Variants in C2orf42 observed in about 807,000 individuals in gnomAD.
C2orf42 encodes the protein uncharacterized protein C2orf42.
In C2orf42, 44 loss-of-function variants were observed where a neutral mutation model predicts 58.9. The ratio of observed to expected loss-of-function variants is 0.75; its 90% CI spans 0.59 to 0.96. The LOEUF is 0.96. Among genes scored for constraint, C2orf42 ranks in the 40% least tolerant of loss-of-function variants. The pLI is 0.00. For synonymous variants in C2orf42, 239 were observed against 265.4 expected, an observed-to-expected ratio of 0.90 and a Z score of 0.97; for missense variants, 630 against 699.2, an observed-to-expected ratio of 0.90 and a Z score of 1.12.
chr2:70,176,057 T>TC (rs1674170804), intron 4 of C2orf42, among the ~76,000 whole-genome samples: 1 of 152,198 alleles, frequency 6.6e-6, no homozygotes, highest in African/African-American at 2.4e-5. Context: ...TGAACTGTCT[T>TC]CCGTTTTCTT....
intron 1 of C2orf42, among the ~76,000 whole-genome samples, chr2:70,183,453 G>C (rs1674710824): frequency 6.6e-6 from 1 of 151,216 alleles, no homozygotes; most frequent in Non-Finnish European, 1.5e-5. Context: ...CTTTGAGATG[G>C]AGTCTCACTC....
intron 4 of C2orf42, among the ~76,000 whole-genome samples, chr2:70,178,087 A>G (rs187611145): frequency 1.3e-5 from 2 of 152,288 alleles, no homozygotes; most frequent in East Asian, 1.9e-4. Context: ...AAACTTTGCT[A>G]ATTTGGTAGC....
chr2:70,169,610 C>T lies in C2orf42; in HGVS notation c.1091G>A (p.Trp364Ter). The T allele has an allele frequency of 6.2e-7, 1 of 1,612,008 alleles. No individual in the cohort carries two copies. Residue 364 changes from tryptophan to a stop codon, truncating the protein, a stop_gained, in exon 6 of 10, where the codon TGG (tryptophan) becomes TAG (stop). Transcript: ENST00000264434. LOFTEE classifies it high-confidence loss of function. ...GATGCGTTCTGTGACACTGGCCAGC[C>T]AGTCTTGGAAGGATAAAGTCACTTG... ...EAQVTLSFQD[W>*]LASVTERIHQ... is the part of the protein sequence containing the mutation.
chr2:70,160,709 C>A lies in C2orf42; in HGVS notation c.1432G>T (p.Val478Leu). 1 of 1,613,228 alleles carries A rather than the reference C, an allele frequency of 6.2e-7. No individual in the cohort carries two copies. The highest frequency in any genetic ancestry group is 8.5e-7 in the Non-Finnish European group (1 of 1,179,392). Reference protein sequence around the residue: ...YELFKCPKVEVESIAETYGRI... With the variant: ...YELFKCPKVELESIAETYGRI... ...CCGTAGGTTTCTGCTATGCTTTCTA[C>A]TTCCACTTTAGGGCATTTAAATAGC... The change falls in exon 9 of 10, where the codon GTA (valine) becomes TTA (leucine). Residue 478 changes from valine to leucine, a missense_variant. Transcript: ENST00000264434.
At chr2:70,171,963 C>G (rs1673848184) in intron 5 of C2orf42, among the ~76,000 whole-genome samples, 1 of 151,708 alleles carries the variant, frequency 6.6e-6, no homozygotes, top group South Asian at 2.1e-4. Context: ...TGGCTCACGC[C>G]TGTAATCCCA....
At position 70,165,303 on chromosome 2, in the gene C2orf42, G is replaced by A; in HGVS notation, c.1253-111C>T. 4.4e-6 allele frequency: 3 copies of A among 676,852 alleles called. No homozygotes were observed. In the East Asian group the frequency reaches 8.1e-5, roughly 18 times the overall value. The allele number at this position is 676,852 out of a possible 1,614,324, so 41.9% of individuals were successfully genotyped here. ...ACTATTATTTCCTTATAGATTCTCA[G>A]CACTTTTAAAAAGAAATTCTAGAGG... On this transcript the variant is annotated intron_variant, in intron 7 of 9. Transcript: ENST00000264434.
intron 2 of C2orf42, chr2:70,182,272 G>A (rs974157206): frequency 6.1e-5 from 16 of 260,616 alleles, no homozygotes; most frequent in Non-Finnish European, 3.7e-5. Flanking sequence ...GCTAATTTTT[G>A]TATTTTTAGT....
chr2:70,167,623 C>G (rs747725929), intron 6 of C2orf42, among the ~76,000 whole-genome samples: 5 of 151,956 alleles, frequency 3.3e-5, no homozygotes, highest in Non-Finnish European at 5.9e-5. Flanking sequence ...TGCCTATAAT[C>G]CCAGCTACTC....
chr2:70,163,253 T>C (rs1434386373), intron 8 of C2orf42, among the ~76,000 whole-genome samples: 1 of 150,374 alleles, frequency 6.7e-6, no homozygotes, highest in Non-Finnish European at 1.5e-5. Context: ...TACATACATA[T>C]ATATTTTTTG....
rs1402638865 is a variant in C2orf42 at position 70,150,679 on chromosome 2, C to T, written c.1517-115G>A. On this transcript the variant is annotated intron_variant, in intron 9 of 9. Transcript: ENST00000264434. ...CTGTTCAGCTTTGATAATCAGAAGG[C>T]CGAATGAGGTTTATAAATTCAGTGG... 4 of 679,886 alleles carry T rather than the reference C, an allele frequency of 5.9e-6. No individual in the cohort carries two copies. In the African/African-American group the frequency reaches 7.1e-5, roughly 12 times the overall value. 42.1% of individuals were successfully genotyped at this position (679,886 alleles called of 1,614,324 possible).
chr2:70,157,361 A>G (rs1265142799), intron 9 of C2orf42, among the ~76,000 whole-genome samples: 3 of 151,186 alleles, frequency 2.0e-5, no homozygotes, highest in Admixed American at 1.3e-4. Flanking sequence ...GGCTGAGGCA[A>G]GAGAATGGCG....
At chr2:70,179,411 T>TAATAAA in intron 4 of C2orf42, 121 bp downstream of exon 4, 1 of 354,484 alleles carries the variant, frequency 2.8e-6, no homozygotes. Context: ...CTCTTTATTT[T>TAATAAA]AATAAAAATA....
chr2:70,165,268 C>A, intron 7 of C2orf42, 76 bp from the exon 8 acceptor site: 1 of 819,910 alleles, frequency 1.2e-6, no homozygotes, highest in South Asian at 1.5e-5. Context: ...TACCTAGTTT[C>A]TAATACAGTA....
At chr2:70,182,264 T>G (rs962380796) in intron 2 of C2orf42, 8 of 264,632 alleles carry the variant, frequency 3.0e-5, no homozygotes, top group African/African-American at 1.8e-4. Context: ...CACGCCCAGC[T>G]AATTTTTGTA....
chr2:70,165,734 A>C, intron 6 of C2orf42, 99 bp from the exon 7 acceptor site: 1 of 692,242 alleles, frequency 1.4e-6, no homozygotes, highest in Non-Finnish European at 2.6e-6. Flanking sequence ...GACGGTAATA[A>C]CTAAAAATAC....
chr2:70,178,275 A>C (rs1226113461), intron 4 of C2orf42, among the ~76,000 whole-genome samples: 4 of 152,184 alleles, frequency 2.6e-5, no homozygotes, highest in Non-Finnish European at 5.9e-5. Flanking sequence ...GATTTATCAG[A>C]GTCCTTAACT....
At chr2:70,183,630 T>C (rs1573036744) in intron 1 of C2orf42, among the ~76,000 whole-genome samples, 1 of 151,178 alleles carries the variant, frequency 6.6e-6, no homozygotes, top group Non-Finnish European at 1.5e-5. Flanking sequence ...GGGGTTTCAC[T>C]GTGTTTCGAT....
intron 8 of C2orf42, among the ~76,000 whole-genome samples, chr2:70,164,660 G>A (rs931342663): frequency 2.6e-5 from 4 of 151,952 alleles, no homozygotes; most frequent in Non-Finnish European, 5.9e-5. Context: ...AATAAAAAGG[G>A]TCATTTCTCT....
chr2:70,155,073 G>A (rs1442448253), intron 9 of C2orf42, among the ~76,000 whole-genome samples: 4 of 151,920 alleles, frequency 2.6e-5, no homozygotes, highest in East Asian at 1.9e-4. Flanking sequence ...GTGAAACCCC[G>A]TCTCTACTAA....
Sources: allele counts gnomAD v4.1 joint callset (sites outside exome capture counted in the v4.1 genomes callset), GRCh38; gene constraint gnomAD v4.1.1; transcripts MANE v1.5; gene names NCBI Gene and HGNC (gene_info 2026-07-23, HGNC 2026-07-21).